Variants in RYR2 observed in about 807,000 individuals in gnomAD.
RYR2 encodes the protein ryanodine receptor 2.
RYR2 carries 227 observed loss-of-function variants against 601.1 expected under a neutral mutation model. The ratio of observed to expected loss-of-function variants is 0.38; its 90% CI spans 0.34 to 0.42. The LOEUF (loss-of-function observed/expected upper bound fraction) is 0.42. Among genes scored for constraint, RYR2 ranks in the 10% least tolerant of loss-of-function variants. The probability of loss-of-function intolerance (pLI) is 1.00; values close to 1 mark genes in which losing one functional copy is unlikely to be tolerated. For synonymous variants in RYR2, 2,223 were observed against 2,175.1 expected, an observed-to-expected ratio of 1.02 and a Z score of -0.61; for missense variants, 4,646 against 6,156.5, an observed-to-expected ratio of 0.75 and a Z score of 8.21.
chr1:237,098,947 A>G (rs1446141883), intron 1 of RYR2, among the ~76,000 whole-genome samples: 1 of 152,212 alleles, frequency 6.6e-6, no homozygotes, highest in Non-Finnish European at 1.5e-5. Context: ...TGTCTCAGCT[A>G]TCCTTGCCTC....
At chr1:237,183,179 T>C (rs775673561) in intron 1 of RYR2, among the ~76,000 whole-genome samples, 28 of 152,228 alleles carry the variant, frequency 1.8e-4, no homozygotes, top group Non-Finnish European at 3.5e-4. Flanking sequence ...TTTTTCAAAA[T>C]ATATCATCCT....
intron 6 of RYR2, among the ~76,000 whole-genome samples, chr1:237,372,832 T>G (rs1700743775): frequency 6.6e-6 from 1 of 152,218 alleles, no homozygotes; most frequent in African/African-American, 2.4e-5. Context: ...TTTTTATACA[T>G]TCATTAAATA....
rs989790874 is a variant in RYR2, at chr1:237,686,047, C to G, written c.9018-1408C>G. 2.2e-4 allele frequency among the ~76,000 whole-genome samples: 33 copies of G among 152,216 alleles called. 1 individual carries two copies. The highest frequency in any genetic ancestry group is 1.8e-3 in the Admixed American group (28 of 15,286). The stretch of plus-strand genomic sequence containing the variant: ...AACGTTACCTTCTCTGCTTCCCTCT[C>G]TTCCCATCCTGCCACTGATCAGCCA... On this transcript the variant is annotated intron_variant, in intron 62 of 104. Transcript: ENST00000366574.
At chr1:237,651,971 A>G (rs1296442421) in intron 51 of RYR2, among the ~76,000 whole-genome samples, 1 of 152,070 alleles carries the variant, frequency 6.6e-6, no homozygotes, top group East Asian at 1.9e-4. Flanking sequence ...CGGGAGGTGG[A>G]GCTTGCAGTG....
chr1:237,786,707 C>A (rs965163507), intron 91 of RYR2, among the ~76,000 whole-genome samples: 1 of 152,200 alleles, frequency 6.6e-6, no homozygotes, highest in Non-Finnish European at 1.5e-5. Context: ...TCTTTCTCCA[C>A]GTTTATAGAA....
At chr1:237,185,208 C>A (rs1024276132) in intron 1 of RYR2, among the ~76,000 whole-genome samples, 6 of 152,004 alleles carry the variant, frequency 3.9e-5, no homozygotes, top group African/African-American at 1.5e-4. Context: ...CTATGTTGCC[C>A]AGGCTGGTCT....
Position 237,252,763 on chromosome 1 carries a change from C to A in RYR2, c.49-17734C>A, listed in dbSNP as rs138590037. On this transcript the variant is annotated intron_variant, in intron 1 of 104. Transcript: ENST00000366574. ...TCAGAGAGGAAAAACATTGCAATCCCAGTGACTAGTAAAAGGAAAGCTAGA... is the reference window on the plus strand; with the variant it reads ...TCAGAGAGGAAAAACATTGCAATCCAAGTGACTAGTAAAAGGAAAGCTAGA... 6.5e-3 allele frequency among the ~76,000 whole-genome samples: 987 copies of A among 152,260 alleles called. 13 individuals are homozygous for A. The highest frequency in any genetic ancestry group is 0.022 in the African/African-American group (902 of 41,552).
chr1:237,573,068 T>C (rs1280438289), intron 29 of RYR2, among the ~76,000 whole-genome samples: 2 of 152,186 alleles, frequency 1.3e-5, no homozygotes, highest in African/African-American at 2.4e-5. Context: ...TTCTTACACC[T>C]AGCCTGTCTT....
intron 5 of RYR2, among the ~76,000 whole-genome samples, chr1:237,367,842 A>T (rs78469122): frequency 1.0e-3 from 157 of 152,314 alleles, no homozygotes; most frequent in Middle Eastern, 3.4e-3. Context: ...GCCTGAAGTG[A>T]GCTTCCCCAT....
chr1:237,803,176 T>C (rs946797575), intron 98 of RYR2, among the ~76,000 whole-genome samples: 9 of 152,162 alleles, frequency 5.9e-5, no homozygotes, highest in African/African-American at 2.2e-4. Context: ...CATTTATTCT[T>C]TCTCTCTCAT....
intron 1 of RYR2, among the ~76,000 whole-genome samples, chr1:237,138,307 A>C (rs1336727679): frequency 6.6e-6 from 1 of 152,124 alleles, no homozygotes; most frequent in East Asian, 1.9e-4. Context: ...TGCTGGAATT[A>C]CAGGCGTGAG....
At chr1:237,663,162 T>C (rs1488731495) in intron 56 of RYR2, among the ~76,000 whole-genome samples, 1 of 152,254 alleles carries the variant, frequency 6.6e-6, no homozygotes, top group Non-Finnish European at 1.5e-5. Flanking sequence ...AAAGGTTCTT[T>C]AAGCATAAAC....
chr1:237,049,492 C>T (rs754597279), intron 1 of RYR2, among the ~76,000 whole-genome samples: 2 of 152,036 alleles, frequency 1.3e-5, no homozygotes, highest in African/African-American at 2.4e-5. Context: ...GAGGGACTTG[C>T]GGTAATTTCC....
At chr1:237,713,459 C>T (rs1232933381) in intron 71 of RYR2, among the ~76,000 whole-genome samples, 4 of 151,938 alleles carry the variant, frequency 2.6e-5, no homozygotes, top group Admixed American at 6.6e-5. Context: ...TGCAGTGGTG[C>T]GATCTCGGCT....
chr1:237,829,122 A>C (rs1663488710), intron 102 of RYR2, among the ~76,000 whole-genome samples: 1 of 152,194 alleles, frequency 6.6e-6, no homozygotes, highest in Non-Finnish European at 1.5e-5. Context: ...AATACCAGTG[A>C]ATGAAGAATA....
In RYR2 at chr1:237,577,866, G is replaced by A. The variant is rs575063484; in HGVS notation, c.3598+8547G>A. On this transcript the variant is annotated intron_variant, in intron 29 of 104. Transcript: ENST00000366574. ...CACCCAGGCTGGAGTGCAGTGGCAC[G>A]ATCTCAGCTCACTGCAACCTCTACC... 2.4e-4 allele frequency among the ~76,000 whole-genome samples: 37 copies of A among 152,286 alleles called. No homozygotes were observed. The South Asian group carries it at 4.4e-3, about 18-fold the overall frequency.
At chr1:237,820,207 A>T (rs1342060576) in intron 101 of RYR2, among the ~76,000 whole-genome samples, 45 of 142,794 alleles carry the variant, frequency 3.2e-4, no homozygotes, top group African/African-American at 1.1e-3. Context: ...AAAAAAAAAA[A>T]GGTGGGGGAG....
In RYR2 at chr1:237,042,398, G is replaced by C. The variant is rs1464343347; in HGVS notation, c.-124G>C. On this transcript the variant is annotated 5_prime_UTR_variant, in exon 1 of 105. Transcript: ENST00000366574. ...GGGGACCGCCCGGCGCTCGGCACCC[G>C]GCAGCGCGGCCCCCTCCAGCCCCCG... 1.0e-6 allele frequency: 1 copy of C among 970,644 alleles called. No homozygotes were observed. The highest frequency in any genetic ancestry group is 1.3e-6 in the Non-Finnish European group (1 of 762,736). The allele number at this position is 970,644 out of a possible 1,614,324, so 60.1% of individuals were successfully genotyped here.
At chr1:237,102,488 C>T (rs372309895) in intron 1 of RYR2, among the ~76,000 whole-genome samples, 135 of 152,190 alleles carry the variant, frequency 8.9e-4, no homozygotes, top group South Asian at 3.5e-3. Flanking sequence ...AGTGGGAGCC[C>T]GGGAATCAGG....
Sources: allele counts gnomAD v4.1 joint callset (sites outside exome capture counted in the v4.1 genomes callset), GRCh38; gene constraint gnomAD v4.1.1; transcripts MANE v1.5; gene names NCBI Gene and HGNC (gene_info 2026-07-23, HGNC 2026-07-21).